Variants in MAD1L1 observed in about 807,000 individuals in gnomAD.
The protein encoded by MAD1L1 is mitotic spindle assembly checkpoint protein MAD1.
A neutral mutation model predicts 96.9 loss-of-function variants in MAD1L1; 95 were observed. The observed-to-expected ratio is 0.98, with a 90% confidence interval of 0.83 to 1.16. The LOEUF is 1.16. MAD1L1 is among the 50% of genes most tolerant of loss of function. The pLI, the probability that MAD1L1 is intolerant of heterozygous loss-of-function variation, is 0.00. For missense variants in MAD1L1, 1,007 were observed against 954.4 expected (o/e 1.06, Z -0.73); for synonymous variants, 473 against 396.6 (o/e 1.19, Z -2.29).
At chr7:2,042,290 CACAG>C (rs1687837447) in intron 12 of MAD1L1, among the ~76,000 whole-genome samples, 3 of 151,960 alleles carry the variant, frequency 2.0e-5, no homozygotes, top group South Asian at 4.1e-4. Context: ...CGCACATGGA[CACAG>C]ACACACGCAG....
At chr7:1,945,223 C>T (rs1779174765) in intron 16 of MAD1L1, among the ~76,000 whole-genome samples, 1 of 152,256 alleles carries the variant, frequency 6.6e-6, no homozygotes, top group African/African-American at 2.4e-5. Flanking sequence ...CCTAAACACT[C>T]ATCTCAGTAG....
chr7:2,121,749 G>T (rs540269858), intron 11 of MAD1L1, among the ~76,000 whole-genome samples: 1 of 152,294 alleles, frequency 6.6e-6, no homozygotes, highest in East Asian at 1.9e-4. Context: ...ACCTTTCTAC[G>T]AGCCTGATGA....
intron 16 of MAD1L1, among the ~76,000 whole-genome samples, chr7:1,939,700 T>C (rs1279471168): frequency 2.0e-5 from 3 of 152,232 alleles, no homozygotes; most frequent in Non-Finnish European, 4.4e-5. Context: ...TGTGTTCAGA[T>C]CACCCCACGC....
chr7:2,070,913 T>C (rs138989929), intron 11 of MAD1L1, among the ~76,000 whole-genome samples: 1 of 152,234 alleles, frequency 6.6e-6, no homozygotes, highest in East Asian at 1.9e-4. Flanking sequence ...TGGCGCTTTC[T>C]TGGGCAGTGG....
chr7:2,037,341 G>A (rs1364501531), intron 12 of MAD1L1, among the ~76,000 whole-genome samples: 1 of 152,012 alleles, frequency 6.6e-6, no homozygotes, highest in Non-Finnish European at 1.5e-5. Flanking sequence ...GCCACAATAA[G>A]GAGCCAGCAT....
At chr7:2,210,496 T>C (rs1335528767) in intron 10 of MAD1L1, among the ~76,000 whole-genome samples, 1 of 74,602 alleles carries the variant, frequency 1.3e-5, no homozygotes, top group African/African-American at 3.5e-5. Context: ...TCCCGTGGAC[T>C]CTCTAGGAGC....
chr7:1,992,156 G>T, intron 14 of MAD1L1, among the ~76,000 whole-genome samples: 1 of 150,446 alleles, frequency 6.6e-6, no homozygotes, highest in Non-Finnish European at 1.5e-5. Flanking sequence ...TGCCCCACCA[G>T]AGCGCCACTG....
chr7:1,837,862 TGC>T lies in MAD1L1; in HGVS notation c.1999-21636_1999-21635del, dbSNP rs1441743635. Among the ~76,000 whole-genome samples, 7 of 152,284 alleles carry T rather than the reference TGC, an allele frequency of 4.6e-5. No homozygotes were observed. In the East Asian group the frequency reaches 1.4e-3, roughly 29 times the overall value. On this transcript the variant is annotated intron_variant, in intron 18 of 18. Coordinates refer to ENST00000265854, the MANE Select transcript of MAD1L1 (RefSeq NM_001013836.2). ...GGTCTTGCCTTGATGGCCTCACGGGTGCGTGTATACAGATGGTAGCTCATCAA... is the reference window on the plus strand; with the variant it reads ...GGTCTTGCCTTGATGGCCTCACGGGTGTGTATACAGATGGTAGCTCATCAA...
intron 3 of MAD1L1, among the ~76,000 whole-genome samples, chr7:2,227,493 G>A (rs1038190991): frequency 3.3e-5 from 5 of 152,048 alleles, no homozygotes; most frequent in Non-Finnish European, 7.4e-5. Flanking sequence ...TGGCGTCCAG[G>A]GGGTAGAGGC....
At chr7:1,975,678 G>A (rs1489235419) in intron 15 of MAD1L1, among the ~76,000 whole-genome samples, 1 of 152,220 alleles carries the variant, frequency 6.6e-6, no homozygotes, top group South Asian at 2.1e-4. Context: ...GAAAGGACGT[G>A]GGCCTGGGCA....
chr7:1,840,124 C>T (rs992999579), intron 18 of MAD1L1, among the ~76,000 whole-genome samples: 2 of 152,200 alleles, frequency 1.3e-5, no homozygotes, highest in African/African-American at 4.8e-5. Context: ...CAGAGTCATC[C>T]CCCAAGCCCA....
intron 17 of MAD1L1, among the ~76,000 whole-genome samples, chr7:1,922,959 C>A (rs536238281): frequency 4.6e-5 from 7 of 152,342 alleles, no homozygotes; most frequent in African/African-American, 1.7e-4. Flanking sequence ...TCTCAGAAAA[C>A]AGAAAATAGC....
At chr7:1,929,616 T>G (rs545757245) in intron 17 of MAD1L1, among the ~76,000 whole-genome samples, 5 of 152,062 alleles carry the variant, frequency 3.3e-5, no homozygotes, top group Admixed American at 2.6e-4. Flanking sequence ...GTGTCTTCTC[T>G]GACCGGAGGT....
chr7:2,165,491 G>A (rs923915494), intron 10 of MAD1L1, among the ~76,000 whole-genome samples: 1 of 135,290 alleles, frequency 7.4e-6, no homozygotes, highest in Non-Finnish European at 1.6e-5. Flanking sequence ...CACCATGGGA[G>A]GATGCTGCTG....
chr7:2,196,779 T>C lies in MAD1L1; in HGVS notation c.986+16433A>G, dbSNP rs561957242. 7.9e-5 allele frequency among the ~76,000 whole-genome samples: 12 copies of C among 152,352 alleles called. No individual in the cohort carries two copies. In the East Asian group the frequency reaches 2.1e-3, roughly 27 times the overall value. On this transcript the variant is annotated intron_variant, in intron 10 of 18. Transcript: ENST00000265854. The stretch of plus-strand genomic sequence containing the variant: ...AGAAGTCAGAAGGCCTCGGGCTCCC[T>C]GCTCACAGGAACAGTGCGGCTCAAT...
At chr7:2,013,269 C>A (rs1230039996) in intron 13 of MAD1L1, among the ~76,000 whole-genome samples, 1 of 152,236 alleles carries the variant, frequency 6.6e-6, no homozygotes, top group Non-Finnish European at 1.5e-5. Context: ...AAGGACACAG[C>A]AGCCTACAAC....
intron 18 of MAD1L1, chr7:1,846,991 T>G (rs981331294): frequency 9.1e-6 from 3 of 328,748 alleles, no homozygotes; most frequent in Non-Finnish European, 1.2e-5. Context: ...CTCCGCGTTT[T>G]CATTGACCAC....
chr7:2,143,203 C>T (rs142160638), intron 11 of MAD1L1, among the ~76,000 whole-genome samples: 12 of 151,964 alleles, frequency 7.9e-5, no homozygotes, highest in African/African-American at 2.4e-4. Flanking sequence ...CAGAAAGACT[C>T]GCTCGGAGAG....
At chr7:1,840,940 G>A (rs1783218575) in intron 18 of MAD1L1, among the ~76,000 whole-genome samples, 1 of 152,240 alleles carries the variant, frequency 6.6e-6, no homozygotes, top group Non-Finnish European at 1.5e-5. Context: ...AGCCAGGATA[G>A]AGCAAACCCT....
Sources: gnomAD v4.1 joint callset for allele counts (sites outside exome capture counted in the v4.1 genomes callset) on GRCh38, gnomAD v4.1.1 for gene constraint, MANE v1.5 for transcripts, NCBI Gene and HGNC (gene_info 2026-07-23, HGNC 2026-07-21) for gene names.